ABCB7: variants seen among roughly 807,000 people sequenced by gnomAD.
ABCB7 encodes the protein ATP binding cassette subfamily B member 7.
ABCB7 carries 7 observed loss-of-function variants against 54.4 expected under a neutral mutation model. The ratio of observed to expected loss-of-function variants is 0.13; its 90% CI spans 0.07 to 0.24. The LOEUF is 0.24. ABCB7 is among the 10% of genes least tolerant of loss of function. The pLI, the probability that ABCB7 is intolerant of heterozygous loss-of-function variation, is 1.00. For missense variants in ABCB7, 356 were observed against 570.4 expected, an observed-to-expected ratio of 0.62 and a Z score of 3.83; for synonymous variants, 218 against 207.1, an observed-to-expected ratio of 1.05 and a Z score of -0.45.
In ABCB7 at chrX:75,120,291, T is replaced by C. The variant is rs149831726; in HGVS notation, c.169-5460A>G. ...TGAGTATTCTTAATTTATGGAAATA[T>C]AGTAATTTGCATAAGTGCAATAAGA... On this transcript the variant is annotated intron_variant, in intron 1 of 15. Transcript: ENST00000373394. Among the ~76,000 whole-genome samples, 720 of 112,434 alleles carry C rather than the reference T, an allele frequency of 6.4e-3. 10 individuals are homozygous for C. Among genetic ancestry groups the C allele is most frequent in the African/African-American group, 0.022 (682 of 30,970 alleles).
chrX:75,090,752 G>T (rs1218048407), intron 4 of ABCB7, among the ~76,000 whole-genome samples: 1 of 110,879 alleles, frequency 9.0e-6, no homozygotes, highest in Admixed American at 9.6e-5. Context: ...AAGCAAAAAA[G>T]AAAGAAGACA....
In ABCB7 at chrX:75,069,452, G is replaced by C. The variant is rs776840777; in HGVS notation, c.1368C>G (p.Asp456Glu). The C allele has an allele frequency of 1.7e-6, 2 of 1,206,963 alleles. No individual in the cohort carries two copies. Among genetic ancestry groups the C allele is most frequent in the African/African-American group, 3.5e-5 (2 of 56,539 alleles). Residue 456 changes from aspartate to glutamate, a missense_variant and splice_region_variant, in exon 11 of 16, where the codon GAC (aspartate) becomes GAG (glutamate). By Grantham distance (45) the Asp-to-Glu change is conservative. This residue lies in a region of ABCB7 where 241 missense variants were observed against 470.9 expected (regional missense o/e 0.51). Transcript: ENST00000373394. ...TCTGAAGGGGAGATGCCATCACTTTGTCCTAGCAGGGAAGAGAAAAAAAAA... is the reference window on the plus strand; with the variant it reads ...TCTGAAGGGGAGATGCCATCACTTTCTCCTAGCAGGGAAGAGAAAAAAAAA... ...TLLKVDTQIKDKVMASPLQIT... is the reference protein window; with the variant it reads ...TLLKVDTQIKEKVMASPLQIT...
At chrX:75,079,906 T>G (rs2081442121) in intron 4 of ABCB7, among the ~76,000 whole-genome samples, 1 of 111,981 alleles carries the variant, frequency 8.9e-6, no homozygotes, top group African/African-American at 3.2e-5. Context: ...TGGCAACTAC[T>G]AATTAATTTG....
intron 1 of ABCB7, among the ~76,000 whole-genome samples, chrX:75,115,266 CAAAAA>C (rs1160024642): frequency 1.3e-3 from 17 of 13,250 alleles, no homozygotes; most frequent in Non-Finnish European, 1.7e-3. Flanking sequence ...GACTCTGTCT[CAAAAA>C]AAAAAAAAAA....
chrX:75,137,326 G>A (rs1400007893), intron 1 of ABCB7, among the ~76,000 whole-genome samples: 1 of 112,091 alleles, frequency 8.9e-6, no homozygotes, highest in Non-Finnish European at 1.9e-5. Context: ...AACCCACAAT[G>A]AGATACCATC....
chrX:75,101,563 A>G (rs957565940), intron 3 of ABCB7, among the ~76,000 whole-genome samples: 1 of 111,370 alleles, frequency 9.0e-6, no homozygotes, highest in African/African-American at 3.3e-5. Flanking sequence ...GCATGCTCTT[A>G]TAACTGGTAA....
intron 1 of ABCB7, among the ~76,000 whole-genome samples, chrX:75,125,547 G>A (rs1236328114): frequency 1.8e-5 from 2 of 111,316 alleles, no homozygotes; most frequent in African/African-American, 6.5e-5. Flanking sequence ...CCTCAGCATG[G>A]ATGTCTTCTC....
At position 75,069,150 on chromosome X, in the gene ABCB7, T is replaced by A. The variant is rs767319156; in HGVS notation, c.1530-14A>T. 4 of 1,209,798 alleles carry A rather than the reference T, an allele frequency of 3.3e-6. No individual in the cohort carries two copies. Among genetic ancestry groups the A allele is most frequent in the East Asian group, 3.0e-5 (1 of 33,795 alleles). On this transcript the variant is annotated splice_polypyrimidine_tract_variant and intron_variant, in intron 11 of 15. Coordinates refer to ENST00000373394, the MANE Select transcript of ABCB7 (RefSeq NM_001271696.3). ...ATTGTGCTTTTCCTGAAATTGGAGA[T>A]GAAGAAAGGTTATTTAGCTCCTATT...
intron 9 of ABCB7, among the ~76,000 whole-genome samples, chrX:75,071,012 T>C (rs911067531): frequency 1.0e-4 from 11 of 110,068 alleles, no homozygotes; most frequent in Middle Eastern, 4.2e-3. Context: ...TTTCCACATA[T>C]TTAGGTCACA....
Position 75,099,057 on chromosome X carries a change from T to C in ABCB7, c.338A>G (p.Lys113Arg), listed in dbSNP as rs751158237. 11 of 1,207,525 alleles carry C rather than the reference T, an allele frequency of 9.1e-6. No individual in the cohort carries two copies. The highest frequency in any genetic ancestry group is 1.1e-5 in the Non-Finnish European group (10 of 893,289). ...TATGATTTTCCGAGTATCAACATCTTTTAACTATTGAAAGAGAGAAAACAA... is the reference window on the plus strand; with the variant it reads ...TATGATTTTCCGAGTATCAACATCTCTTAACTATTGAAAGAGAGAAAACAA... ...GLHTDPKEGLKDVDTRKIIKA... is the reference protein window; with the variant it reads ...GLHTDPKEGLRDVDTRKIIKA... The change falls in exon 4 of 16, where the codon AAA becomes AGA. Residue 113 changes from lysine (K) to arginine (R), a missense_variant. Coordinates refer to ENST00000373394, the MANE Select transcript of ABCB7 (RefSeq NM_001271696.3).
Position 75,075,475 on chromosome X carries a change from C to T in ABCB7, c.742G>A (p.Ala248Thr). 1.7e-6 allele frequency: 2 copies of T among 1,211,407 alleles called. No individual in the cohort carries two copies. The highest frequency in any genetic ancestry group is 2.2e-6 in the Non-Finnish European group (2 of 895,282). The part of the protein sequence containing the change: ...LGFHLSRQTG[A>T]LSKAIDRGTR... ...CCTCTGTCAATAGCCTTAGATAAAG[C>T]TCCCGTCTGTCTGCTCAGGTGAAAA... The change falls in exon 6 of 16, where the codon GCT (alanine) becomes ACT (threonine). Residue 248 changes from alanine to threonine, a missense_variant. By Grantham distance (58) the Ala-to-Thr change is moderately conservative. This residue lies in a region of ABCB7 where 241 missense variants were observed against 470.9 expected (regional missense o/e 0.51). Coordinates refer to ENST00000373394, the MANE Select transcript of ABCB7 (RefSeq NM_001271696.3).
chrX:75,094,019 C>CATATATATATATATAT (rs199523853), intron 4 of ABCB7, among the ~76,000 whole-genome samples: 3 of 46,011 alleles, frequency 6.5e-5, no homozygotes, highest in African/African-American at 2.8e-4. Context: ...CTGTTATATA[C>CATATATATATATATAT]ATATATATAT....
intron 4 of ABCB7, among the ~76,000 whole-genome samples, chrX:75,082,325 T>C (rs759774243): frequency 3.6e-5 from 4 of 111,897 alleles, no homozygotes; most frequent in South Asian, 7.5e-4. Flanking sequence ...GTCAACCTAG[T>C]ACCGTACACT....
chrX:75,061,891 T>A (rs975154648), intron 14 of ABCB7, among the ~76,000 whole-genome samples: 2 of 112,368 alleles, frequency 1.8e-5, no homozygotes, highest in African/African-American at 3.2e-5. Context: ...TTGCATCTCA[T>A]GAGTCGCTCC....
rs919333881 is a variant in ABCB7 at position 75,073,040 on chromosome X, A to C, written c.1032+649T>G. Among the ~76,000 whole-genome samples the C allele has an allele frequency of 5.5e-5, 6 of 109,046 alleles. No individual in the cohort carries two copies. In the Admixed American group the frequency reaches 5.9e-4, roughly 11 times the overall value. 94.7% of individuals were successfully genotyped at this position (109,046 alleles called of 115,157 possible). A position where few individuals can be genotyped will look rare whatever the true frequency, so the allele number is the denominator to read the frequency against. ...AAATATCACTGTCTTCTACCTCCACATCTCGTTTTACTGGAAGGTCTTCAG... is the reference window on the plus strand; with the variant it reads ...AAATATCACTGTCTTCTACCTCCACCTCTCGTTTTACTGGAAGGTCTTCAG... On this transcript the variant is annotated intron_variant, in intron 8 of 15. Coordinates refer to ENST00000373394, the MANE Select transcript of ABCB7 (RefSeq NM_001271696.3).
At chrX:75,062,542 T>C in intron 13 of ABCB7, 111 bp from the exon 14 acceptor site, 2 of 569,193 alleles carry the variant, frequency 3.5e-6, no homozygotes, top group Non-Finnish European at 6.0e-6. Flanking sequence ...TTCCTTATTC[T>C]CCTGATCACA....
Position 75,132,690 on chromosome X carries a change from A to G in ABCB7, c.169-17859T>C, listed in dbSNP as rs1053264153. Among the ~76,000 whole-genome samples, 3 of 112,582 alleles carry G rather than the reference A, an allele frequency of 2.7e-5. No homozygotes were observed. In the Admixed American group the frequency reaches 2.8e-4, roughly 11 times the overall value. On this transcript the variant is annotated intron_variant, in intron 1 of 15. Transcript: ENST00000373394. Reference sequence around the variant, plus strand: ...CAAAAGCCTACCTACCAGCCATTATACTTTAAGTATCATCTGGATTAAAGT... The same window carrying G: ...CAAAAGCCTACCTACCAGCCATTATGCTTTAAGTATCATCTGGATTAAAGT...
intron 13 of ABCB7, 58 bp downstream of exon 13, chrX:75,065,012 C>A: frequency 1.7e-6 from 2 of 1,177,558 alleles, no homozygotes; most frequent in Non-Finnish European, 2.3e-6. Flanking sequence ...ATGGCTCTGA[C>A]AAATTAGAGT....
At chrX:75,099,396 A>G (rs770895384) in intron 3 of ABCB7, among the ~76,000 whole-genome samples, 26 of 111,650 alleles carry the variant, frequency 2.3e-4, no homozygotes, top group Admixed American at 3.8e-4. Context: ...TTCAAAAAAA[A>G]TTTCCATATT....
Sources: allele counts gnomAD v4.1 joint callset (sites outside exome capture counted in the v4.1 genomes callset), GRCh38; gene constraint gnomAD v4.1.1; regional missense constraint gnomAD v4.1.1; transcripts MANE v1.5; gene names NCBI Gene and HGNC (gene_info 2026-07-23, HGNC 2026-07-21).